SEZ6: variants seen among roughly 807,000 people sequenced by gnomAD.
SEZ6 encodes seizure related 6 homolog.
Under a neutral mutation model 101.0 loss-of-function variants are expected in SEZ6, and 53 were observed. The observed-to-expected ratio is 0.52, with a 90% CI of 0.42 to 0.66. SEZ6 has a LOEUF of 0.66. Among genes scored for constraint, SEZ6 ranks in the 30% least tolerant of loss-of-function variants. SEZ6 has a pLI of 0.00. For synonymous variants in SEZ6, 488 were observed against 512.2 expected (o/e 0.95, Z 0.64); for missense variants, 1,102 against 1,289.4 (o/e 0.85, Z 2.23).
chr17:28,965,446 C>T (rs1054402855), intron 4 of SEZ6, among the ~76,000 whole-genome samples: 3 of 152,068 alleles, frequency 2.0e-5, no homozygotes, highest in African/African-American at 7.2e-5. Context: ...CAAGAGCAGC[C>T]TGGGCAACAT....
intron 1 of SEZ6, among the ~76,000 whole-genome samples, chr17:28,998,783 CCCCAGAGGCTTGCTGGGTCGTCACAGA>C (rs2041576842): frequency 6.6e-6 from 1 of 152,124 alleles, no homozygotes; most frequent in Non-Finnish European, 1.5e-5. Flanking sequence ...GGCCCAGGGA[CCCCAGAGGCTTGCTGGGTCGTCACAGA>C]CCCAGAGGCA....
chr17:28,997,830 C>T (rs1020384578), intron 1 of SEZ6, among the ~76,000 whole-genome samples: 2 of 152,170 alleles, frequency 1.3e-5, no homozygotes, highest in Non-Finnish European at 2.9e-5. Context: ...CAAGGTCACA[C>T]AGCCAGCAAA....
chr17:28,969,935 G>A lies in SEZ6; in HGVS notation c.876C>T (p.Leu292=), dbSNP rs1209399969. 4 of 1,539,348 alleles carry A rather than the reference G, an allele frequency of 2.6e-6. No individual in the cohort carries two copies. Among genetic ancestry groups the A allele is most frequent in the Non-Finnish European group, 3.5e-6 (4 of 1,152,406 alleles). ...GVEIKVQNIS[L]REGETVTVEG... ...CCACAGTCACTGTCTCCCCTTCCCG[G>A]AGGCTGATATTCTGGACCTGTCAGT... The change falls in exon 4 of 17, where the codon CTC becomes CTT. Residue 292 remains leucine (L), a synonymous_variant. Coordinates refer to ENST00000317338, the MANE Select transcript of SEZ6 (RefSeq NM_178860.5).
chr17:28,975,352 G>C (rs1567991628), intron 3 of SEZ6, among the ~76,000 whole-genome samples: 1 of 152,224 alleles, frequency 6.6e-6, no homozygotes, highest in Non-Finnish European at 1.5e-5. Flanking sequence ...CACACTCAAA[G>C]GGACTGGCTA....
intron 4 of SEZ6, among the ~76,000 whole-genome samples, chr17:28,966,679 G>C (rs1435485597): frequency 6.6e-6 from 1 of 152,152 alleles, no homozygotes; most frequent in Non-Finnish European, 1.5e-5. Flanking sequence ...TAAATGGGAG[G>C]AGAGGTCCAT....
chr17:28,962,439 T>C (rs2152684461), intron 5 of SEZ6, among the ~76,000 whole-genome samples: 1 of 152,318 alleles, frequency 6.6e-6, no homozygotes, highest in Middle Eastern at 3.4e-3. Context: ...ATCTGTGTTA[T>C]TCAACTCTGG....
intron 11 of SEZ6, 146 bp from the exon 12 acceptor site, chr17:28,957,685 GT>G: frequency 1.0e-6 from 1 of 963,272 alleles, no homozygotes; most frequent in Non-Finnish European, 1.5e-6. Context: ...ATGCTAGTGT[GT>G]CCCCCCATTT....
chr17:28,981,509 C>G lies in SEZ6; in HGVS notation c.586G>C (p.Val196Leu). The change falls in exon 2 of 17, where the codon GTT (valine) becomes CTT (leucine). Residue 196 changes from valine to leucine, a missense_variant. By Grantham distance (32) the Val-to-Leu change is conservative. Transcript: ENST00000317338. ...EGPGDMGRPW[V>L]AEVVSQGAGI... ...GCGCCCTGGGACACAACCTCTGCAA[C>G]CCACGGCCTTCCCATGTCTCCAGGA... 3 of 1,609,586 alleles carry G rather than the reference C, an allele frequency of 1.9e-6. No individual in the cohort carries two copies. The highest frequency in any genetic ancestry group is 2.5e-6 in the Non-Finnish European group (3 of 1,177,878).
chr17:28,986,206 T>C (rs1051189845), intron 1 of SEZ6, among the ~76,000 whole-genome samples: 1 of 152,236 alleles, frequency 6.6e-6, no homozygotes, highest in Non-Finnish European at 1.5e-5. Flanking sequence ...TAATGAGCCA[T>C]TCAGGATGCC....
At chr17:28,956,578 T>G in intron 14 of SEZ6, 111 bp from the exon 15 acceptor site, 2 of 1,468,692 alleles carry the variant, frequency 1.4e-6, no homozygotes, top group Non-Finnish European at 1.9e-6. Flanking sequence ...GCTGGCTGGG[T>G]GTAGGGAAGG....
intron 1 of SEZ6, among the ~76,000 whole-genome samples, chr17:28,989,442 T>A (rs1455397790): frequency 1.3e-5 from 2 of 152,202 alleles, no homozygotes; most frequent in African/African-American, 4.8e-5. Context: ...GCTAATGCAG[T>A]CTGATTCAAA....
intron 3 of SEZ6, among the ~76,000 whole-genome samples, chr17:28,973,640 A>AC (rs2041183395): frequency 6.6e-6 from 1 of 152,062 alleles, no homozygotes; most frequent in Admixed American, 6.5e-5. Flanking sequence ...GGTTTCAAGC[A>AC]CCCTCTTGTG....
Position 28,956,952 on chromosome 17 carries a change from A to G in SEZ6, c.2692+93T>C, listed in dbSNP as rs1394509456. 13 of 1,410,540 alleles carry G rather than the reference A, an allele frequency of 9.2e-6. No individual in the cohort carries two copies. The East Asian group carries it at 3.3e-4, about 35-fold the overall frequency. The allele number at this position is 1,410,540 out of a possible 1,614,324, so 87.4% of individuals were successfully genotyped here. A position where few individuals can be genotyped will look rare whatever the true frequency, so the allele number is the denominator to read the frequency against. On this transcript the variant is annotated intron_variant, in intron 13 of 16. Coordinates refer to ENST00000317338, the MANE Select transcript of SEZ6 (RefSeq NM_178860.5). Reference sequence around the variant, plus strand: ...AGACCAAGGGTAACATGAAGGTGGCATGGGCAGGTGGTTCTGGTTCTAAAC... The same window carrying G: ...AGACCAAGGGTAACATGAAGGTGGCGTGGGCAGGTGGTTCTGGTTCTAAAC...
At chr17:28,964,601 T>A (rs181869069) in intron 4 of SEZ6, among the ~76,000 whole-genome samples, 5 of 152,360 alleles carry the variant, frequency 3.3e-5, no homozygotes, top group Admixed American at 3.3e-4. Flanking sequence ...GCACTTGAAA[T>A]AGTGAAAAAC....
Position 29,005,639 on chromosome 17 carries a change from C to A in SEZ6, c.55+176G>T, listed in dbSNP as rs1391577606. 6.6e-6 allele frequency among the ~76,000 whole-genome samples: 1 copy of A among 151,306 alleles called. No individual in the cohort carries two copies. The highest frequency in any genetic ancestry group is 1.5e-5 in the Non-Finnish European group (1 of 67,766). On this transcript the variant is annotated intron_variant, in intron 1 of 16. Transcript: ENST00000317338. The surrounding 1 kb of genome is among the most constrained non-coding windows in gnomAD (Gnocchi z 4.8). Reference sequence around the variant, plus strand: ...AATGGCGGGAGCCGCGGCAGCTTCCCGCCCGCGAAGCCCGCGCCCCGCCCG... The same window carrying A: ...AATGGCGGGAGCCGCGGCAGCTTCCAGCCCGCGAAGCCCGCGCCCCGCCCG...
At position 28,957,636 on chromosome 17, in the gene SEZ6, T is replaced by A. The variant is rs540969602; in HGVS notation, c.2303-97A>T. 1.8e-5 allele frequency: 24 copies of A among 1,314,788 alleles called. No individual in the cohort carries two copies. In the South Asian group the frequency reaches 3.1e-4, roughly 17 times the overall value. The allele number at this position is 1,314,788 out of a possible 1,614,324, so 81.4% of individuals were successfully genotyped here. On this transcript the variant is annotated intron_variant, in intron 11 of 16. Transcript: ENST00000317338. The stretch of plus-strand genomic sequence containing the variant: ...TTCCAGGCCAGCTAACTTCTTCATG[T>A]CGTATGGGTCTACCCCCTACGTATC...
At chr17:28,993,767 G>A (rs1262451226) in intron 1 of SEZ6, among the ~76,000 whole-genome samples, 1 of 152,232 alleles carries the variant, frequency 6.6e-6, no homozygotes, top group Admixed American at 6.5e-5. Context: ...CCCCAGGCCA[G>A]CATCTTTGGA....
At chr17:28,970,470 C>T (rs1002626473) in intron 3 of SEZ6, among the ~76,000 whole-genome samples, 1 of 152,218 alleles carries the variant, frequency 6.6e-6, no homozygotes, top group Non-Finnish European at 1.5e-5. Context: ...AGCAGTTCCC[C>T]TGGGAATGAT....
At chr17:28,992,343 T>G (rs1328250610) in intron 1 of SEZ6, among the ~76,000 whole-genome samples, 1 of 152,196 alleles carries the variant, frequency 6.6e-6, no homozygotes, top group Non-Finnish European at 1.5e-5. Context: ...TGCTGCTTCG[T>G]GTGAGCATGT....
Sources: gnomAD v4.1 joint callset for allele counts (sites outside exome capture counted in the v4.1 genomes callset) on GRCh38, gnomAD v4.1.1 for gene constraint, Gnocchi (gnomAD v3.1) non-coding constraint, MANE v1.5 for transcripts, NCBI Gene and HGNC (gene_info 2026-07-23, HGNC 2026-07-21) for gene names.